CYP2F1: variants seen among roughly 807,000 people sequenced by gnomAD.
CYP2F1 encodes cytochrome P450 2F1.
A neutral mutation model predicts 40.4 loss-of-function variants in CYP2F1; 33 were observed. The ratio of observed to expected loss-of-function variants is 0.82; its 90% confidence interval spans 0.62 to 1.09. The LOEUF is 1.09. Among genes scored for constraint, CYP2F1 ranks in the 50% least tolerant of loss-of-function variants. The pLI is 0.00. For synonymous variants in CYP2F1, 235 were observed against 277.2 expected (o/e 0.85, Z 1.51); for missense variants, 566 against 655.7 (o/e 0.86, Z 1.49).
At position 41,128,008 on chromosome 19, in the gene CYP2F1, A is replaced by G; in HGVS notation, c.1402A>G (p.Ile468Val). 1 of 1,613,324 alleles carries G rather than the reference A, an allele frequency of 6.2e-7. No homozygotes were observed. The highest frequency in any genetic ancestry group is 1.1e-5 in the South Asian group (1 of 91,034). ...GCAGCCGCTGGGTGCGCCCGAGGAC[A>G]TCGACCTGACCCCACTCAGCTCAGG... ...SLQPLGAPEDIDLTPLSSGLG... is the reference protein window; with the variant it reads ...SLQPLGAPEDVDLTPLSSGLG... Residue 468 changes from isoleucine to valine, a missense_variant, in exon 10 of 10, where the codon ATC (isoleucine) becomes GTC (valine). Physicochemically the swap from Ile to Val is conservative, Grantham distance 29. Around this residue, in one of 5 missense-constraint regions of CYP2F1, gnomAD observed 85 missense variants for 84.9 expected, o/e 1.00. Transcript: ENST00000331105.
chr19:41,119,017 C>T (rs1324929440), intron 3 of CYP2F1, among the ~76,000 whole-genome samples: 1 of 152,096 alleles, frequency 6.6e-6, no homozygotes, highest in Non-Finnish European at 1.5e-5. Context: ...CAGAGTGGTC[C>T]AGGCTGGGAT....
chr19:41,127,075 T>C (rs73545069), intron 9 of CYP2F1, among the ~76,000 whole-genome samples: 9,970 of 152,230 alleles, frequency 0.065, 765 homozygotes, highest in African/African-American at 0.19. Flanking sequence ...TGGGAATGTG[T>C]GGCCCAGATT....
In CYP2F1 at chr19:41,116,634, T is replaced by C. The variant is rs2031828401; in HGVS notation, c.334+17T>C. ...AGGGCAATGGTAAGCCTCGTCCTTG[T>C]CTCCTCCGCTCTCGGCCTTTTCCAT... is the stretch of plus-strand genomic sequence containing the variant. On this transcript the variant is annotated intron_variant, in intron 3 of 9. Transcript: ENST00000331105. The C allele has an allele frequency of 6.2e-7, 1 of 1,611,776 alleles. No homozygotes were observed. Among genetic ancestry groups the C allele is most frequent in the Non-Finnish European group, 8.5e-7 (1 of 1,179,164 alleles).
intron 7 of CYP2F1, 85 bp from the exon 8 acceptor site, chr19:41,124,634 C>G (rs2144760544): frequency 1.6e-6 from 2 of 1,258,450 alleles, no homozygotes; most frequent in South Asian, 2.8e-5. Context: ...AGACGCCTCC[C>G]CACACACGCA....
chr19:41,119,736 TATATATATATATACACACACACACAC>T (rs2032052117), intron 3 of CYP2F1, among the ~76,000 whole-genome samples: 1 of 71,014 alleles, frequency 1.4e-5, no homozygotes, highest in African/African-American at 5.4e-5. Context: ...TATATATATA[TATATATATATATACACACACACACAC>T]ACACACACAC....
At position 41,124,715 on chromosome 19, in the gene CYP2F1, C is replaced by G. The variant is rs1460896455; in HGVS notation, c.965-4C>G. The G allele has an allele frequency of 6.3e-7, 1 of 1,599,494 alleles. No individual in the cohort carries two copies. The highest frequency in any genetic ancestry group is 8.5e-7 in the Non-Finnish European group (1 of 1,178,542). On this transcript the variant is annotated splice_polypyrimidine_tract_variant and splice_region_variant and intron_variant, in intron 7 of 9. Transcript: ENST00000331105. ...CTCGACCCCGCTTCCCGCTTCCTCT[C>G]CAGCCCGCGTGCAGGAGGAGATCGA...
chr19:41,123,871 C>T (rs1340964605), intron 7 of CYP2F1, among the ~76,000 whole-genome samples: 1 of 152,084 alleles, frequency 6.6e-6, no homozygotes, highest in Non-Finnish European at 1.5e-5. Context: ...CCACCACATG[C>T]GTCCACCTCC....
chr19:41,117,890 C>A (rs1199897873), intron 3 of CYP2F1, among the ~76,000 whole-genome samples: 1 of 151,870 alleles, frequency 6.6e-6, no homozygotes. Context: ...CGTTCTGTTG[C>A]CCAGGCTGGA....
At position 41,121,358 on chromosome 19, in the gene CYP2F1, A is replaced by G. The variant is rs562496201; in HGVS notation, c.485-100A>G. 122 of 1,226,114 alleles carry G rather than the reference A, an allele frequency of 1.0e-4. 4 individuals are homozygous for G. In the Admixed American group the frequency reaches 2.2e-3, roughly 22 times the overall value. The allele number at this position is 1,226,114 out of a possible 1,614,324, so 76.0% of individuals were successfully genotyped here. ...TGTTTGCACCGTAAGACACGTTGCC[A>G]TGGTTGAGTCGGATGTTGTACAAAT... On this transcript the variant is annotated intron_variant, in intron 4 of 9. Transcript: ENST00000331105.
chr19:41,124,657 C>G, intron 7 of CYP2F1, 62 bp from the exon 8 acceptor site: 1 of 1,472,906 alleles, frequency 6.8e-7, no homozygotes, highest in African/African-American at 1.4e-5. Context: ...CACCTCTTAT[C>G]AGCCTGGTTG....
chr19:41,123,893 C>A (rs1289731151), intron 7 of CYP2F1, among the ~76,000 whole-genome samples: 1 of 152,046 alleles, frequency 6.6e-6, no homozygotes, highest in African/African-American at 2.4e-5. Flanking sequence ...GCTTCAGAGC[C>A]CTGCCCTGGA....
At chr19:41,124,344 ACCT>A (rs1174914262) in intron 7 of CYP2F1, among the ~76,000 whole-genome samples, 4 of 125,376 alleles carry the variant, frequency 3.2e-5, no homozygotes, top group Non-Finnish European at 6.3e-5. Flanking sequence ...GCTCACTGCA[ACCT>A]CCTCCTCCTG....
intron 3 of CYP2F1, among the ~76,000 whole-genome samples, chr19:41,118,423 C>CATT (rs2144748592): frequency 6.6e-6 from 1 of 152,280 alleles, no homozygotes; most frequent in Admixed American, 6.5e-5. Context: ...CTGGCTCCTG[C>CATT]ATTAGATGGG....
intron 3 of CYP2F1, among the ~76,000 whole-genome samples, chr19:41,118,097 C>T (rs1050996036): frequency 1.3e-5 from 2 of 152,068 alleles, no homozygotes; most frequent in Non-Finnish European, 2.9e-5. Flanking sequence ...ATCCAGCAGC[C>T]TCAGACTCCC....
chr19:41,122,658 C>A (rs1288849811), intron 6 of CYP2F1, among the ~76,000 whole-genome samples, 164 bp from the exon 7 acceptor site: 2 of 152,122 alleles, frequency 1.3e-5, no homozygotes, highest in Non-Finnish European at 2.9e-5. Context: ...GTAGGCCCTG[C>A]AGCTGAGATT....
intron 3 of CYP2F1, among the ~76,000 whole-genome samples, chr19:41,119,748 T>TACAC (rs147688839): frequency 0.019 from 681 of 35,960 alleles, 32 homozygotes; most frequent in African/African-American, 0.029. Context: ...TATATATATA[T>TACAC]ACACACACAC....
chr19:41,115,293 T>A (rs1039672957), intron 1 of CYP2F1, among the ~76,000 whole-genome samples: 4 of 152,196 alleles, frequency 2.6e-5, no homozygotes, highest in Admixed American at 1.3e-4. Flanking sequence ...CATCCTTCCA[T>A]GTCCCTCTCT....
At chr19:41,116,642 G>C in intron 3 of CYP2F1, 25 bp downstream of exon 3, 6 of 1,610,388 alleles carry the variant, frequency 3.7e-6, no homozygotes, top group Non-Finnish European at 5.1e-6. Context: ...TGTCTCCTCC[G>C]CTCTCGGCCT....
At chr19:41,123,685 C>T (rs1037397857) in intron 7 of CYP2F1, among the ~76,000 whole-genome samples, 1 of 152,042 alleles carries the variant, frequency 6.6e-6, no homozygotes, top group African/African-American at 2.4e-5. Flanking sequence ...TCAATACACT[C>T]AGCTAATTTT....
Sources: gnomAD v4.1 joint callset for allele counts (sites outside exome capture counted in the v4.1 genomes callset) on GRCh38, gnomAD v4.1.1 for gene constraint, gnomAD v4.1.1 regional missense constraint, MANE v1.5 for transcripts, NCBI Gene and HGNC (gene_info 2026-07-23, HGNC 2026-07-21) for gene names.